FAM83G: variants seen among roughly 807,000 people sequenced by gnomAD.
FAM83G encodes scaffolding CK1 anchoring protein G, also known as protein FAM83G.
A neutral mutation model predicts 61.5 loss-of-function variants in FAM83G; 38 were observed. The observed-to-expected ratio is 0.62, with a 90% confidence interval of 0.48 to 0.81. The LOEUF (loss-of-function observed/expected upper bound fraction) is 0.81. Ranked by LOEUF, FAM83G falls within the 30% of genes least tolerant of loss-of-function variation. FAM83G has a pLI of 0.00. For missense variants in FAM83G, 989 were observed against 1,133.6 expected, an observed-to-expected ratio of 0.87 and a Z score of 1.83; for synonymous variants, 470 against 476.1, an observed-to-expected ratio of 0.99 and a Z score of 0.17.
chr17:18,994,671 C>T (rs936690064), intron 2 of FAM83G, among the ~76,000 whole-genome samples: 2 of 152,154 alleles, frequency 1.3e-5, no homozygotes, highest in Non-Finnish European at 2.9e-5. Flanking sequence ...TCCTAACACA[C>T]AGGTCCTGCA....
At chr17:18,995,165 G>GA (rs146193120) in intron 2 of FAM83G, among the ~76,000 whole-genome samples, 78 of 151,234 alleles carry the variant, frequency 5.2e-4, no homozygotes, top group African/African-American at 1.2e-3. Flanking sequence ...ATGCACATGA[G>GA]AAAAAAAAAT....
chr17:18,981,409 C>G (rs544529243), intron 3 of FAM83G, among the ~76,000 whole-genome samples: 1 of 152,292 alleles, frequency 6.6e-6, no homozygotes, highest in East Asian at 1.9e-4. Flanking sequence ...TGAGCTTGGC[C>G]CTGGGGCCAG....
Position 18,969,369 on chromosome 17 carries a change from A to G in FAM83G, c.*1990T>C. 1 of 1,613,628 alleles carries G rather than the reference A, an allele frequency of 6.2e-7. No homozygotes were observed. The highest frequency in any genetic ancestry group is 8.5e-7 in the Non-Finnish European group (1 of 1,180,008). On this transcript the variant is annotated 3_prime_UTR_variant, in exon 6 of 6. Transcript: ENST00000388995. ...GGCCTGGCTGCTGTAATCTACACGGACGCCCTGCAGACGCTCATCATGGTG... is the reference window on the plus strand; with the variant it reads ...GGCCTGGCTGCTGTAATCTACACGGGCGCCCTGCAGACGCTCATCATGGTG...
At chr17:18,977,546 G>T in intron 5 of FAM83G, 38 bp downstream of exon 5, 1 of 1,575,770 alleles carries the variant, frequency 6.3e-7, no homozygotes, top group South Asian at 1.2e-5. Flanking sequence ...TGGCAGGGAG[G>T]GACTCGTGAC....
intron 3 of FAM83G, among the ~76,000 whole-genome samples, chr17:18,982,783 T>C (rs1330096225): frequency 6.6e-6 from 1 of 152,212 alleles, no homozygotes; most frequent in Admixed American, 6.5e-5. Flanking sequence ...CAGGAGCCCC[T>C]GGAGTGGGTC....
In FAM83G at chr17:19,004,642, C is replaced by G. The variant is rs1174744699; in HGVS notation, c.-129+67G>C. On this transcript the variant is annotated intron_variant, in intron 1 of 5. Coordinates refer to ENST00000388995, the MANE Select transcript of FAM83G (RefSeq NM_001039999.3). The surrounding 1 kb of genome is among the most constrained non-coding windows in gnomAD (Gnocchi z 5.4). Reference sequence around the variant, plus strand: ...GGGAGGGGTCCAGGAGACCCAGAAACGCGGTTGCGGGGCGGCGACGCCCCG... The same window carrying G: ...GGGAGGGGTCCAGGAGACCCAGAAAGGCGGTTGCGGGGCGGCGACGCCCCG... The G allele has an allele frequency of 6.6e-6, 1 of 151,922 alleles. No individual in the cohort carries two copies. Among genetic ancestry groups the G allele is most frequent in the African/African-American group, 2.4e-5 (1 of 41,412 alleles). 9.4% of individuals were successfully genotyped at this position (151,922 alleles called of 1,614,324 possible). A position where few individuals can be genotyped will look rare whatever the true frequency, so the allele number is the denominator to read the frequency against.
At chr17:18,995,285 A>G (rs2043536042) in intron 2 of FAM83G, among the ~76,000 whole-genome samples, 1 of 152,242 alleles carries the variant, frequency 6.6e-6, no homozygotes, top group African/African-American at 2.4e-5. Flanking sequence ...GAGATGTGGA[A>G]GCTTTTTTTT....
rs1371552308 is a variant in FAM83G at position 18,978,510 on chromosome 17, C to T, written c.1156G>A (p.Gly386Arg). ...LKGPALAEHP[G>R]ELPELLPPIH... ...GGTGGCAGCAGCTCGGGGAGTTCCC[C>T]TGGATGCTCAGCCAGCGCTGGGCCT... Residue 386 changes from glycine (G) to arginine (R), a missense_variant, in exon 5 of 6, where the codon GGG (glycine) becomes AGG (arginine). Physicochemically the swap from Gly to Arg is moderately radical, Grantham distance 125. This residue lies in a region of FAM83G where 574 missense variants were observed against 645.1 expected (regional missense o/e 0.89). Coordinates refer to ENST00000388995, the MANE Select transcript of FAM83G (RefSeq NM_001039999.3). 6.2e-7 allele frequency: 1 copy of T among 1,613,236 alleles called. No individual in the cohort carries two copies. The highest frequency in any genetic ancestry group is 8.5e-7 in the Non-Finnish European group (1 of 1,179,938).
At chr17:18,984,272 G>A (rs989113216) in intron 3 of FAM83G, among the ~76,000 whole-genome samples, 7 of 146,968 alleles carry the variant, frequency 4.8e-5, no homozygotes, top group Non-Finnish European at 1.0e-4. Flanking sequence ...AACCCGGGAG[G>A]CAGAGCTTGC....
chr17:18,995,072 CAAACAA>C (rs2043528894), intron 2 of FAM83G, among the ~76,000 whole-genome samples: 1 of 151,958 alleles, frequency 6.6e-6, no homozygotes, highest in African/African-American at 2.4e-5. Flanking sequence ...GAAAACAAAA[CAAACAA>C]AAACTACAAA....
At position 18,978,380 on chromosome 17, in the gene FAM83G, A is replaced by G; in HGVS notation, c.1286T>C (p.Ile429Thr). Reference sequence around the variant, plus strand: ...CCAGATGTTGGGGTCGATGATATTGATGTAGCCCAGGATGTCGCTGCCAGG... The same window carrying G: ...CCAGATGTTGGGGTCGATGATATTGGTGTAGCCCAGGATGTCGCTGCCAGG... The part of the protein sequence containing the change: ...PEPGSDILGY[I>T]NIIDPNIWNP... The change falls in exon 5 of 6, where the codon ATC becomes ACC. Residue 429 changes from isoleucine (I) to threonine (T), a missense_variant. Transcript: ENST00000388995. 6.3e-7 allele frequency: 1 copy of G among 1,593,000 alleles called. No homozygotes were observed. The highest frequency in any genetic ancestry group is 8.5e-7 in the Non-Finnish European group (1 of 1,169,910).
At chr17:19,005,040 C>T (rs1008447806), upstream of FAM83G, among the ~76,000 whole-genome samples, 3 of 152,180 alleles carry the variant, frequency 2.0e-5, no homozygotes, top group East Asian at 1.9e-4. Context: ...CCCCCCTGTG[C>T]CCCCAGGGTC....
chr17:18,971,211 C>T lies in FAM83G; in HGVS notation c.*148G>A. 8.7e-6 allele frequency: 14 copies of T among 1,613,940 alleles called. No individual in the cohort carries two copies. The highest frequency in any genetic ancestry group is 1.2e-5 in the Non-Finnish European group (14 of 1,180,040). On this transcript the variant is annotated 3_prime_UTR_variant, in exon 6 of 6. Transcript: ENST00000388995. The surrounding 1 kb of genome is among the most constrained non-coding windows in gnomAD (Gnocchi z 5.5). ...ATCATGGCCACCTGGTACTGGTGCA[C>T]CGACCAGGTGAGTGCCAACGTCTCC...
Position 18,970,969 on chromosome 17 carries a change from C to T in FAM83G, c.*390G>A, listed in dbSNP as rs2042826475. 4 of 1,586,562 alleles carry T rather than the reference C, an allele frequency of 2.5e-6. No homozygotes were observed. The highest frequency in any genetic ancestry group is 3.5e-6 in the Non-Finnish European group (4 of 1,156,486). On this transcript the variant is annotated 3_prime_UTR_variant, in exon 6 of 6. Transcript: ENST00000388995. ...AGGGGGGAGCCCAGGGAGTCAGGGC[C>T]CCGCAACCACCAAACTGTCCCTGTT...
chr17:18,973,873 TTTTTTTTTAAG>T (rs1396000985), intron 5 of FAM83G, among the ~76,000 whole-genome samples: 2 of 144,622 alleles, frequency 1.4e-5, no homozygotes, highest in African/African-American at 5.1e-5. Context: ...AATTTTTGTA[TTTTTTTTTAAG>T]TTTTTTTTTT....
Position 18,969,044 on chromosome 17 carries a change from C to T in FAM83G, c.*2315G>A, listed in dbSNP as rs1187151042. Reference sequence around the variant, plus strand: ...AACAGTCCCACACAAGGCTCTCTCCCTCCGCAGCTGGACCTGTACGCGGGG... The same window carrying T: ...AACAGTCCCACACAAGGCTCTCTCCTTCCGCAGCTGGACCTGTACGCGGGG... On this transcript the variant is annotated 3_prime_UTR_variant, in exon 6 of 6. Coordinates refer to ENST00000388995, the MANE Select transcript of FAM83G (RefSeq NM_001039999.3). The T allele has an allele frequency of 6.2e-7, 1 of 1,610,722 alleles. No homozygotes were observed. Among genetic ancestry groups the T allele is most frequent in the Non-Finnish European group, 8.5e-7 (1 of 1,178,452 alleles).
At chr17:18,985,261 T>C (rs575343683) in intron 3 of FAM83G, among the ~76,000 whole-genome samples, 6 of 152,206 alleles carry the variant, frequency 3.9e-5, no homozygotes, top group African/African-American at 1.4e-4. Context: ...GACAGATAAA[T>C]GACCATGTCC....
In FAM83G at chr17:18,969,661, T is replaced by C. The variant is rs1174717265; in HGVS notation, c.*1698A>G. The C allele has an allele frequency of 6.5e-6, 3 of 463,834 alleles. No homozygotes were observed. The highest frequency in any genetic ancestry group is 7.6e-6 in the Non-Finnish European group (2 of 262,756). 28.7% of individuals were successfully genotyped at this position (463,834 alleles called of 1,614,324 possible). A position where few individuals can be genotyped will look rare whatever the true frequency, so the allele number is the denominator to read the frequency against. ...GCCCCGCTGTTACCAGCTCTGGCCC[T>C]GGCAAGGAGCTGACTCAGGAACTCA... On this transcript the variant is annotated 3_prime_UTR_variant, in exon 6 of 6. Transcript: ENST00000388995.
At chr17:18,983,715 G>C (rs1169573904) in intron 3 of FAM83G, among the ~76,000 whole-genome samples, 1 of 152,206 alleles carries the variant, frequency 6.6e-6, no homozygotes, top group African/African-American at 2.4e-5. Flanking sequence ...GGGTGGAGAG[G>C]GGTGGTCAAC....
Sources: gnomAD v4.1 joint callset for allele counts (sites outside exome capture counted in the v4.1 genomes callset) on GRCh38, gnomAD v4.1.1 for gene constraint, gnomAD v4.1.1 regional missense constraint, Gnocchi (gnomAD v3.1) non-coding constraint, MANE v1.5 for transcripts, NCBI Gene and HGNC (gene_info 2026-07-23, HGNC 2026-07-21) for gene names.